CTNNA1: variants seen among roughly 807,000 people sequenced by gnomAD.
The protein encoded by CTNNA1 is catenin alpha-1.
CTNNA1 carries 37 observed loss-of-function variants against 98.4 expected under a neutral mutation model. That is an observed-to-expected ratio of 0.38 (90% CI 0.29 to 0.49). The LOEUF is 0.49. Among genes scored for constraint, CTNNA1 ranks in the 20% least tolerant of loss-of-function variants. CTNNA1 has a pLI of 0.95. For synonymous variants in CTNNA1, 404 were observed against 413.2 expected, an observed-to-expected ratio of 0.98 and a Z score of 0.27; for missense variants, 761 against 1,147.2, an observed-to-expected ratio of 0.66 and a Z score of 4.86.
intron 7 of CTNNA1, among the ~76,000 whole-genome samples, chr5:138,844,961 C>A (rs992794911): frequency 2.0e-5 from 3 of 152,104 alleles, no homozygotes; most frequent in Non-Finnish European, 4.4e-5. Context: ...CTTCTTTCCC[C>A]ATTAGTAGGT....
intron 3 of CTNNA1, among the ~76,000 whole-genome samples, chr5:138,790,626 C>T (rs1350986131): frequency 6.6e-6 from 1 of 152,142 alleles, no homozygotes; most frequent in East Asian, 1.9e-4. Flanking sequence ...GCTCATTGGG[C>T]TGGAGATGCT....
At chr5:138,812,449 T>C in intron 5 of CTNNA1, 147 bp downstream of exon 5, 2 of 797,124 alleles carry the variant, frequency 2.5e-6, no homozygotes, top group Non-Finnish European at 3.8e-6. Context: ...GTCTTTTCAG[T>C]ATTGTGCTGT....
At chr5:138,910,024 A>G (rs1313143602) in intron 10 of CTNNA1, among the ~76,000 whole-genome samples, 2 of 152,112 alleles carry the variant, frequency 1.3e-5, no homozygotes, top group Non-Finnish European at 2.9e-5. Flanking sequence ...TTTCACAGAG[A>G]ACTCAAGGGA....
chr5:138,932,790 G>T, intron 17 of CTNNA1, 78 bp downstream of exon 17: 1 of 1,545,270 alleles, frequency 6.5e-7, no homozygotes, highest in African/African-American at 1.4e-5. Context: ...CCTCCTATCC[G>T]CATAAACACC....
intron 7 of CTNNA1, among the ~76,000 whole-genome samples, chr5:138,841,211 A>C (rs913352246): frequency 6.6e-6 from 1 of 152,112 alleles, no homozygotes; most frequent in Non-Finnish European, 1.5e-5. Flanking sequence ...CCAGCAACTC[A>C]ATGGCTTGCT....
At chr5:138,840,957 T>A (rs923522351) in intron 7 of CTNNA1, among the ~76,000 whole-genome samples, 3 of 152,174 alleles carry the variant, frequency 2.0e-5, no homozygotes, top group Admixed American at 2.0e-4. Flanking sequence ...TGATGGGTAG[T>A]TCAGGTTCTG....
intron 7 of CTNNA1, among the ~76,000 whole-genome samples, chr5:138,857,425 C>A (rs1763824722): frequency 6.6e-6 from 1 of 152,138 alleles, no homozygotes; most frequent in African/African-American, 2.4e-5. Flanking sequence ...ATATTGAAAT[C>A]CTGCTGTTCC....
intron 3 of CTNNA1, among the ~76,000 whole-genome samples, chr5:138,808,599 T>C (rs907566303): frequency 1.3e-5 from 2 of 151,054 alleles, no homozygotes; most frequent in African/African-American, 4.9e-5. Flanking sequence ...AGGCAATTTT[T>C]CCCCCCTCTT....
At chr5:138,929,388 T>C (rs778986015) in intron 14 of CTNNA1, 32 bp downstream of exon 14, 5 of 1,095,742 alleles carry the variant, frequency 4.6e-6, no homozygotes, top group Non-Finnish European at 7.1e-6. Context: ...CAGTTCAGCT[T>C]GTGCTGCCGA....
chr5:138,806,743 CTAATTAATATATGAAT>C (rs1216320994), intron 3 of CTNNA1, among the ~76,000 whole-genome samples: 1 of 151,792 alleles, frequency 6.6e-6, no homozygotes, highest in Non-Finnish European at 1.5e-5. Context: ...GCCTCTAAGC[CTAATTAATATATGAAT>C]TATATATTAA....
At chr5:138,881,114 C>T (rs1445238018) in intron 7 of CTNNA1, 1 of 456,122 alleles carries the variant, frequency 2.2e-6, no homozygotes, top group African/African-American at 2.0e-5. Flanking sequence ...AAAGGGGCTT[C>T]CTGAGGCTGG....
At chr5:138,929,804 A>G (rs955513392) in intron 14 of CTNNA1, among the ~76,000 whole-genome samples, 3 of 152,234 alleles carry the variant, frequency 2.0e-5, no homozygotes, top group Admixed American at 6.5e-5. Flanking sequence ...TCTTCAATCA[A>G]TAGCATTTAT....
chr5:138,817,879 ATTATT>A (rs1345275308), intron 5 of CTNNA1, among the ~76,000 whole-genome samples: 1 of 151,912 alleles, frequency 6.6e-6, no homozygotes, highest in African/African-American at 2.4e-5. Context: ...CCTTAAGATA[ATTATT>A]TTATTTTATC....
chr5:138,788,309 C>G (rs7736254), intron 3 of CTNNA1, among the ~76,000 whole-genome samples: 3,477 of 152,196 alleles, frequency 0.023, 134 homozygotes, highest in African/African-American at 0.081. Context: ...ATTGATTATT[C>G]TCCGAGAAGT....
intron 9 of CTNNA1, among the ~76,000 whole-genome samples, chr5:138,898,547 G>A (rs1043125030): frequency 1.3e-5 from 2 of 151,474 alleles, no homozygotes; most frequent in Admixed American, 6.6e-5. Flanking sequence ...GATCATCTGA[G>A]TGGTGATCTG....
At chr5:138,907,127 T>C (rs1160390426) in intron 10 of CTNNA1, among the ~76,000 whole-genome samples, 1 of 152,170 alleles carries the variant, frequency 6.6e-6, no homozygotes, top group South Asian at 2.1e-4. Context: ...GTTCAAGTGA[T>C]TCTCCTGCTG....
rs939718966 is a variant in CTNNA1 at position 138,881,675 on chromosome 5, GC to G, written c.1063-4533del. Among the ~76,000 whole-genome samples, 3 of 152,142 alleles carry G rather than the reference GC, an allele frequency of 2.0e-5. No homozygotes were observed. In the East Asian group the frequency reaches 5.8e-4, roughly 29 times the overall value. The stretch of plus-strand genomic sequence containing the variant: ...GAAGGTCCCTACTGTATGGATGACA[GC>G]CCCAGTTCTCTTTTTTATTGTCTTG... On this transcript the variant is annotated intron_variant, in intron 7 of 17. Transcript: ENST00000302763.
chr5:138,791,255 T>G (rs1756323380), intron 3 of CTNNA1, among the ~76,000 whole-genome samples: 1 of 152,176 alleles, frequency 6.6e-6, no homozygotes, highest in African/African-American at 2.4e-5. Flanking sequence ...GAGTAGAAGA[T>G]CTCAACTTAC....
At chr5:138,858,789 G>A (rs1763983208) in intron 7 of CTNNA1, among the ~76,000 whole-genome samples, 1 of 152,006 alleles carries the variant, frequency 6.6e-6, no homozygotes, top group South Asian at 2.1e-4. Flanking sequence ...AGTAGAGACA[G>A]GGTTTCACCA....
Sources: gnomAD v4.1 joint callset for allele counts (sites outside exome capture counted in the v4.1 genomes callset) on GRCh38, gnomAD v4.1.1 for gene constraint, MANE v1.5 for transcripts, NCBI Gene and HGNC (gene_info 2026-07-23, HGNC 2026-07-21) for gene names.